The following MDGA2 variants were observed in gnomAD, a reference collection of about 807,000 sequenced individuals.
The protein encoded by MDGA2 is MAM domain containing glycosylphosphatidylinositol anchor 2, also known as MAM domain-containing glycosylphosphatidylinositol anchor protein 2.
MDGA2 carries 40 observed loss-of-function variants against 117.8 expected under a neutral mutation model. The observed-to-expected ratio is 0.34, with a 90% CI of 0.26 to 0.44. The LOEUF (loss-of-function observed/expected upper bound fraction) is 0.44. Among genes scored for constraint, MDGA2 ranks in the 20% least tolerant of loss-of-function variants. The pLI, the probability that MDGA2 is intolerant of heterozygous loss-of-function variation, is 1.00. For synonymous variants in MDGA2, 452 were observed against 439.0 expected, an observed-to-expected ratio of 1.03 and a Z score of -0.37; for missense variants, 1,123 against 1,250.6, an observed-to-expected ratio of 0.90 and a Z score of 1.54.
chr14:47,259,214 G>T (rs1887717113), intron 2 of MDGA2, among the ~76,000 whole-genome samples: 1 of 151,982 alleles, frequency 6.6e-6, no homozygotes, highest in African/African-American at 2.4e-5. Flanking sequence ...AGATAAGAGT[G>T]ATTATAATGG....
At chr14:47,370,180 ATAT>A (rs1198288927) in intron 1 of MDGA2, among the ~76,000 whole-genome samples, 2 of 151,944 alleles carry the variant, frequency 1.3e-5, no homozygotes, top group Admixed American at 6.6e-5. Context: ...CATGAGCTTA[ATAT>A]TATTATGAGT....
At chr14:47,086,350 A>T (rs1008653003) in intron 6 of MDGA2, among the ~76,000 whole-genome samples, 1 of 152,096 alleles carries the variant, frequency 6.6e-6, no homozygotes, top group Non-Finnish European at 1.5e-5. Flanking sequence ...ATATTTGATT[A>T]CATCTATTTA....
chr14:47,383,777 A>G (rs997278987), intron 1 of MDGA2, among the ~76,000 whole-genome samples: 2 of 152,086 alleles, frequency 1.3e-5, no homozygotes, highest in African/African-American at 4.8e-5. Context: ...CACACGCCTC[A>G]GCCTCCCAAA....
At chr14:47,079,460 AC>A (rs1295056257) in intron 6 of MDGA2, among the ~76,000 whole-genome samples, 1 of 152,144 alleles carries the variant, frequency 6.6e-6, no homozygotes, top group Non-Finnish European at 1.5e-5. Context: ...TATTTGGGGT[AC>A]AAGCTAGAAT....
At chr14:47,575,468 A>G (rs1896098962) in intron 1 of MDGA2, among the ~76,000 whole-genome samples, 1 of 152,212 alleles carries the variant, frequency 6.6e-6, no homozygotes, top group African/African-American at 2.4e-5. Flanking sequence ...AAAACTGTGT[A>G]GACTCTGAGA....
chr14:47,156,044 G>A (rs1883373562), intron 3 of MDGA2, among the ~76,000 whole-genome samples: 1 of 151,208 alleles, frequency 6.6e-6, no homozygotes, highest in African/African-American at 2.4e-5. Context: ...GCGTAGCTGG[G>A]ATTACAGGTG....
intron 6 of MDGA2, among the ~76,000 whole-genome samples, chr14:47,088,780 T>C (rs923260010): frequency 1.3e-5 from 2 of 152,202 alleles, no homozygotes; most frequent in Non-Finnish European, 2.9e-5. Context: ...TGTATCTTTG[T>C]CTTTAGTGAT....
chr14:47,345,098 C>T (rs979855761), intron 1 of MDGA2, among the ~76,000 whole-genome samples: 2 of 151,932 alleles, frequency 1.3e-5, no homozygotes, highest in Admixed American at 6.6e-5. Context: ...AATATACAAC[C>T]TCTGCCAGAA....
chr14:47,127,761 C>A (rs1881979206), intron 5 of MDGA2, among the ~76,000 whole-genome samples: 1 of 151,908 alleles, frequency 6.6e-6, no homozygotes, highest in Non-Finnish European at 1.5e-5. Context: ...CCTGTGACCT[C>A]CATAGAACAG....
At chr14:47,187,625 T>A (rs1884959125) in intron 3 of MDGA2, among the ~76,000 whole-genome samples, 1 of 152,150 alleles carries the variant, frequency 6.6e-6, no homozygotes, top group Non-Finnish European at 1.5e-5. Context: ...TCCATTCTGC[T>A]ATTAATAGAT....
At chr14:47,574,082 G>A (rs1896070014) in intron 1 of MDGA2, among the ~76,000 whole-genome samples, 1 of 152,080 alleles carries the variant, frequency 6.6e-6, no homozygotes. Flanking sequence ...GTTATATATG[G>A]CAAGTTCTTA....
chr14:47,105,887 T>C lies in MDGA2; in HGVS notation c.926-8764A>G, dbSNP rs755161491. On this transcript the variant is annotated intron_variant, in intron 5 of 16. Transcript: ENST00000399232. Reference sequence around the variant, plus strand: ...CAGGCTGAGCTAGGTCCCAATTCTTTCTCAGCCTCTGCTCCTCCACCCTAT... The same window carrying C: ...CAGGCTGAGCTAGGTCCCAATTCTTCCTCAGCCTCTGCTCCTCCACCCTAT... Among the ~76,000 whole-genome samples, 564 of 151,970 alleles carry C rather than the reference T, an allele frequency of 3.7e-3. 5 individuals are homozygous for C. Among genetic ancestry groups the C allele is most frequent in the African/African-American group, 6.0e-3 (249 of 41,398 alleles).
chr14:47,079,165 A>G (rs1890608078), intron 6 of MDGA2, among the ~76,000 whole-genome samples: 1 of 152,154 alleles, frequency 6.6e-6, no homozygotes, highest in Non-Finnish European at 1.5e-5. Context: ...ACCCTTTGTA[A>G]TTTACAGATT....
chr14:47,000,222 A>G (rs1887453215), intron 8 of MDGA2, among the ~76,000 whole-genome samples: 1 of 149,822 alleles, frequency 6.7e-6, no homozygotes, highest in African/African-American at 2.4e-5. Flanking sequence ...TCTATTTAAT[A>G]CACAAGGAAT....
chr14:47,152,698 A>T (rs1056209090), intron 3 of MDGA2, among the ~76,000 whole-genome samples: 2 of 151,726 alleles, frequency 1.3e-5, no homozygotes, highest in Non-Finnish European at 2.9e-5. Context: ...AATGAATAAG[A>T]TGAAAAAAAA....
chr14:47,234,438 TA>T (rs1341941349), intron 2 of MDGA2, among the ~76,000 whole-genome samples: 6 of 152,082 alleles, frequency 3.9e-5, no homozygotes, highest in Admixed American at 3.3e-4. Flanking sequence ...CTGTATTCCT[TA>T]AGTAAAGGAA....
intron 5 of MDGA2, among the ~76,000 whole-genome samples, chr14:47,102,538 A>G (rs1880398138): frequency 6.6e-6 from 1 of 152,082 alleles, no homozygotes; most frequent in African/African-American, 2.4e-5. Context: ...ATCACAGGAA[A>G]CATATTGAAG....
intron 6 of MDGA2, among the ~76,000 whole-genome samples, chr14:47,078,731 A>G (rs898165804): frequency 6.6e-6 from 1 of 152,096 alleles, no homozygotes; most frequent in Non-Finnish European, 1.5e-5. Context: ...TAACATCTCC[A>G]TTTCTACTTT....
At chr14:47,089,449 C>T (rs1891027957) in intron 6 of MDGA2, among the ~76,000 whole-genome samples, 1 of 152,098 alleles carries the variant, frequency 6.6e-6, no homozygotes, top group Non-Finnish European at 1.5e-5. Flanking sequence ...GATCTCAGCT[C>T]ACTGCAGCCT....
Sources: gnomAD v4.1 joint callset for allele counts (sites outside exome capture counted in the v4.1 genomes callset) on GRCh38, gnomAD v4.1.1 for gene constraint, MANE v1.5 for transcripts, NCBI Gene and HGNC (gene_info 2026-07-23, HGNC 2026-07-21) for gene names.